The following RASGRF2 variants were observed in gnomAD, a reference collection of about 807,000 sequenced individuals.
RASGRF2 encodes ras-specific guanine nucleotide-releasing factor 2.
In RASGRF2, 76 loss-of-function variants were observed where a neutral mutation model predicts 151.0. The ratio of observed to expected loss-of-function variants is 0.50; its 90% CI spans 0.42 to 0.61. The LOEUF (loss-of-function observed/expected upper bound fraction) is 0.61, where lower values mean the gene tolerates loss of function less well. RASGRF2 is among the 20% of genes least tolerant of loss of function. The pLI, the probability that RASGRF2 is intolerant of heterozygous loss-of-function variation, is 0.00. For missense variants in RASGRF2, 1,148 were observed against 1,564.6 expected (o/e 0.73, Z 4.49); for synonymous variants, 504 against 566.5 (o/e 0.89, Z 1.57).
intron 17 of RASGRF2, among the ~76,000 whole-genome samples, chr5:81,158,575 A>T (rs374839981): frequency 6.6e-6 from 1 of 152,150 alleles, no homozygotes; most frequent in Non-Finnish European, 1.5e-5. Context: ...AAGGAATTCT[A>T]TACGAAATAT....
chr5:81,153,593 A>C (rs1281320845), intron 17 of RASGRF2, among the ~76,000 whole-genome samples: 4 of 152,254 alleles, frequency 2.6e-5, no homozygotes, highest in Non-Finnish European at 4.4e-5. Flanking sequence ...GAACTGAAGG[A>C]TAATAAATAT....
chr5:81,059,736 T>A (rs996775272), intron 2 of RASGRF2, among the ~76,000 whole-genome samples: 1 of 151,626 alleles, frequency 6.6e-6, no homozygotes, highest in African/African-American at 2.4e-5. Flanking sequence ...TCCCAGCTAT[T>A]CAGGAGGCTG....
At chr5:80,975,868 T>C (rs1580158003) in intron 1 of RASGRF2, among the ~76,000 whole-genome samples, 1 of 151,950 alleles carries the variant, frequency 6.6e-6, no homozygotes, top group East Asian at 1.9e-4. Flanking sequence ...TTTTTTTTTT[T>C]TTGAGACGGA....
chr5:81,165,031 G>A (rs540282052), intron 17 of RASGRF2, among the ~76,000 whole-genome samples: 17 of 152,348 alleles, frequency 1.1e-4, no homozygotes, highest in African/African-American at 2.6e-4. Flanking sequence ...CAGCCTGCCA[G>A]TGTGGAGGGT....
At chr5:81,010,060 G>A (rs973299186) in intron 1 of RASGRF2, among the ~76,000 whole-genome samples, 1 of 152,000 alleles carries the variant, frequency 6.6e-6, no homozygotes, top group Non-Finnish European at 1.5e-5. Context: ...GGAAGCTGAG[G>A]CAGGAGAATT....
chr5:81,110,631 T>G (rs1752967855), intron 13 of RASGRF2, among the ~76,000 whole-genome samples: 1 of 147,316 alleles, frequency 6.8e-6, no homozygotes. Flanking sequence ...CTTTATAGGG[T>G]ATGTAGACTA....
intron 5 of RASGRF2, among the ~76,000 whole-genome samples, 176 bp downstream of exon 5, chr5:81,073,628 A>AT (rs1050606732): frequency 3.3e-5 from 5 of 151,266 alleles, no homozygotes; most frequent in Admixed American, 2.6e-4. Flanking sequence ...TTATTTATTT[A>AT]TTTTTTTTGA....
intron 12 of RASGRF2, among the ~76,000 whole-genome samples, chr5:81,103,730 A>G (rs973934585): frequency 3.5e-4 from 50 of 143,638 alleles, no homozygotes; most frequent in African/African-American, 1.1e-3. Flanking sequence ...CCTTTGAAAA[A>G]TTAAAAGATA....
chr5:81,138,388 G>A (rs1753806035), intron 17 of RASGRF2, among the ~76,000 whole-genome samples: 1 of 152,164 alleles, frequency 6.6e-6, no homozygotes, highest in South Asian at 2.1e-4. Flanking sequence ...GGCGAGAGGG[G>A]ACTGGAATGG....
intron 12 of RASGRF2, among the ~76,000 whole-genome samples, chr5:81,102,998 G>A (rs2112523150): frequency 1.3e-5 from 2 of 152,170 alleles, no homozygotes; most frequent in Middle Eastern, 6.8e-3. Flanking sequence ...AAGTAATAGG[G>A]TGACAACTTG....
At chr5:80,997,701 G>A (rs562374516) in intron 1 of RASGRF2, 1 of 152,284 alleles carries the variant, frequency 6.6e-6, no homozygotes, top group Non-Finnish European at 1.5e-5. Context: ...CGGGCGTGGT[G>A]GCTCAAGCCT....
intron 17 of RASGRF2, among the ~76,000 whole-genome samples, chr5:81,157,226 C>T (rs1202549651): frequency 2.0e-5 from 3 of 151,460 alleles, no homozygotes; most frequent in African/African-American, 4.9e-5. Flanking sequence ...CGGTGGTGGG[C>T]GCCTGTAGTC....
intron 17 of RASGRF2, among the ~76,000 whole-genome samples, chr5:81,159,181 GA>G: frequency 6.6e-6 from 1 of 151,612 alleles, no homozygotes; most frequent in East Asian, 1.9e-4. Flanking sequence ...AAAAAGGAAT[GA>G]ATGACTGGGA....
intron 1 of RASGRF2, among the ~76,000 whole-genome samples, chr5:80,999,356 A>G (rs1036325914): frequency 1.3e-5 from 2 of 151,884 alleles, no homozygotes; most frequent in Admixed American, 1.3e-4. Flanking sequence ...TTTTGTTTTT[A>G]GAGACAGGGT....
At chr5:81,095,015 A>G in intron 12 of RASGRF2, 23 bp downstream of exon 12, 1 of 1,391,080 alleles carries the variant, frequency 7.2e-7, no homozygotes, top group Non-Finnish European at 9.4e-7. Context: ...CTTTTGCCAA[A>G]TTTTTGTTTT....
chr5:81,094,443 T>C, intron 11 of RASGRF2, 81 bp downstream of exon 11: 1 of 1,320,804 alleles, frequency 7.6e-7, no homozygotes. Context: ...CCTAAAGTCA[T>C]TTATGTATGA....
At chr5:81,121,978 G>A (rs1028834379) in intron 15 of RASGRF2, among the ~76,000 whole-genome samples, 1 of 152,110 alleles carries the variant, frequency 6.6e-6, no homozygotes, top group East Asian at 1.9e-4. Flanking sequence ...AAGTGCTCCC[G>A]ATTTTAGCAT....
At chr5:81,119,594 A>T (rs1040392463) in intron 15 of RASGRF2, among the ~76,000 whole-genome samples, 9 of 152,356 alleles carry the variant, frequency 5.9e-5, no homozygotes, top group African/African-American at 2.2e-4. Flanking sequence ...TTAGGGAAGG[A>T]CACTGACACA....
intron 17 of RASGRF2, among the ~76,000 whole-genome samples, chr5:81,165,054 G>T (rs1489234433): frequency 6.6e-6 from 1 of 152,214 alleles, no homozygotes; most frequent in Non-Finnish European, 1.5e-5. Context: ...CCCAAGGGTG[G>T]GACCCAGCGT....
Sources: gnomAD v4.1 joint callset for allele counts (sites outside exome capture counted in the v4.1 genomes callset) on GRCh38, gnomAD v4.1.1 for gene constraint, MANE v1.5 for transcripts, NCBI Gene and HGNC (gene_info 2026-07-23, HGNC 2026-07-21) for gene names.